Variants in ADCY1 observed in about 807,000 individuals in gnomAD.
ADCY1 encodes adenylate cyclase 1.
Under a neutral mutation model 105.4 loss-of-function variants are expected in ADCY1, and 28 were observed. That is an observed-to-expected ratio of 0.27 (90% CI 0.20 to 0.36). The LOEUF (loss-of-function observed/expected upper bound fraction) is 0.36, where lower values mean the gene tolerates loss of function less well. ADCY1 is among the 10% of genes least tolerant of loss of function. The pLI, the probability that ADCY1 is intolerant of heterozygous loss-of-function variation, is 1.00. For missense variants in ADCY1, 977 were observed against 1,434.2 expected, an observed-to-expected ratio of 0.68 and a Z score of 5.15; for synonymous variants, 655 against 623.8, an observed-to-expected ratio of 1.05 and a Z score of -0.75.
intron 8 of ADCY1, among the ~76,000 whole-genome samples, chr7:45,675,302 T>C (rs2471259): frequency 0.97 from 146,963 of 152,240 alleles, 71,134 homozygotes; most frequent in East Asian, 1. Context: ...CTTTACCTCT[T>C]TTTCAGTCCC....
At chr7:45,662,324 A>G (rs1426734251) in intron 8 of ADCY1, 110 bp downstream of exon 8, 1 of 1,206,808 alleles carries the variant, frequency 8.3e-7, no homozygotes, top group Non-Finnish European at 1.1e-6. Flanking sequence ...TTCCCTGTTC[A>G]CATGTGGATA....
At chr7:45,678,549 A>G (rs1383128529) in intron 10 of ADCY1, among the ~76,000 whole-genome samples, 2 of 152,050 alleles carry the variant, frequency 1.3e-5, no homozygotes, top group Non-Finnish European at 2.9e-5. Context: ...ATATATTTTC[A>G]TGCTTTTTCA....
chr7:45,614,963 C>G (rs1793698414), intron 3 of ADCY1, among the ~76,000 whole-genome samples: 1 of 152,134 alleles, frequency 6.6e-6, no homozygotes, highest in African/African-American at 2.4e-5. Context: ...TGATAACAGA[C>G]AGAGCATCCA....
At chr7:45,604,372 G>T (rs1012265518) in intron 2 of ADCY1, among the ~76,000 whole-genome samples, 3 of 152,020 alleles carry the variant, frequency 2.0e-5, no homozygotes, top group Admixed American at 6.5e-5. Context: ...GGTTTAATTC[G>T]CCAGTTTTTC....
chr7:45,619,843 G>T (rs1425730217), intron 3 of ADCY1, among the ~76,000 whole-genome samples: 1 of 152,154 alleles, frequency 6.6e-6, no homozygotes, highest in Non-Finnish European at 1.5e-5. Flanking sequence ...ATACTGTATT[G>T]TATGTTTGAA....
In ADCY1 at chr7:45,708,362, A is replaced by G; in HGVS notation, c.2830A>G (p.Ile944Val). 1 of 1,614,048 alleles carries G rather than the reference A, an allele frequency of 6.2e-7. No individual in the cohort carries two copies. Among genetic ancestry groups the G allele is most frequent in the Non-Finnish European group, 8.5e-7 (1 of 1,179,906 alleles). Residue 944 changes from isoleucine (I) to valine (V), a missense_variant, in exon 18 of 20, where the codon ATC (isoleucine) becomes GTC (valine). Coordinates refer to ENST00000297323, the MANE Select transcript of ADCY1 (RefSeq NM_021116.4). The surrounding 1 kb of genome is among the most constrained non-coding windows in gnomAD (Gnocchi z 4.7). ...PTSGTKAKKS[I>V]SSHLSTLADF... ...TGTTTACACCTAGGCTAAGAAGTCCATCTCCTCCCACCTGAGCACGCTGGC... is the reference window on the plus strand; with the variant it reads ...TGTTTACACCTAGGCTAAGAAGTCCGTCTCCTCCCACCTGAGCACGCTGGC...
At chr7:45,685,854 A>T in intron 12 of ADCY1, 108 bp from the exon 13 acceptor site, 1 of 1,403,578 alleles carries the variant, frequency 7.1e-7, no homozygotes. Flanking sequence ...GGGGTGGGTC[A>T]GAGCAAAACC....
rs1262413620 is a variant in ADCY1, at chr7:45,715,031, G to A, written c.*1036G>A. 6.6e-6 allele frequency: 1 copy of A among 152,258 alleles called. No individual in the cohort carries two copies. The allele number at this position is 152,258 out of a possible 1,614,324, so 9.4% of individuals were successfully genotyped here. A position where few individuals can be genotyped will look rare whatever the true frequency, so the allele number is the denominator to read the frequency against. Reference sequence around the variant, plus strand: ...ACCAACCCTCCAGGACGAAGTTTCAGAATTGGCTGATGGTCGTGAGTGCAG... The same window carrying A: ...ACCAACCCTCCAGGACGAAGTTTCAAAATTGGCTGATGGTCGTGAGTGCAG... On this transcript the variant is annotated 3_prime_UTR_variant, in exon 20 of 20. Transcript: ENST00000297323.
chr7:45,710,960 C>T lies in ADCY1; in HGVS notation c.3057+308C>T, dbSNP rs1300790526. On this transcript the variant is annotated intron_variant, in intron 19 of 19. Coordinates refer to ENST00000297323, the MANE Select transcript of ADCY1 (RefSeq NM_021116.4). The surrounding 1 kb of genome is among the most constrained non-coding windows in gnomAD (Gnocchi z 4.7). ...TGGCTCTCATTCACTCTGCACATCC[C>T]AGGACTCCGGACTCCACCAGCTGCC... Among the ~76,000 whole-genome samples, 1 of 152,132 alleles carries T rather than the reference C, an allele frequency of 6.6e-6. No homozygotes were observed. Among genetic ancestry groups the T allele is most frequent in the African/African-American group, 2.4e-5 (1 of 41,412 alleles).
At chr7:45,608,094 G>A (rs1225455421) in intron 2 of ADCY1, among the ~76,000 whole-genome samples, 3 of 152,038 alleles carry the variant, frequency 2.0e-5, no homozygotes, top group African/African-American at 4.8e-5. Flanking sequence ...TTTTCTCCAC[G>A]GCCTCACCAG....
chr7:45,646,245 G>A (rs1794660928), intron 4 of ADCY1, among the ~76,000 whole-genome samples: 1 of 152,112 alleles, frequency 6.6e-6, no homozygotes, highest in South Asian at 2.1e-4. Context: ...AAGGCTGTCC[G>A]GTCGCATCCC....
At chr7:45,663,810 C>T (rs1391561767) in intron 8 of ADCY1, among the ~76,000 whole-genome samples, 1 of 150,088 alleles carries the variant, frequency 6.7e-6, no homozygotes, top group East Asian at 1.9e-4. Flanking sequence ...CAGAGTGAGA[C>T]GGTGTCTCAA....
chr7:45,660,276 G>A, intron 7 of ADCY1, 93 bp downstream of exon 7: 8 of 1,518,848 alleles, frequency 5.3e-6, no homozygotes, highest in Non-Finnish European at 7.2e-6. Flanking sequence ...TCCTCTCCAA[G>A]CACTGCTTCT....
rs1785478731 is a variant in ADCY1, at chr7:45,721,792, T to G, written c.*7797T>G. 2.5e-6 allele frequency: 1 copy of G among 398,552 alleles called. No individual in the cohort carries two copies. The allele number at this position is 398,552 out of a possible 1,614,324, so 24.7% of individuals were successfully genotyped here. On this transcript the variant is annotated 3_prime_UTR_variant, in exon 20 of 20. Transcript: ENST00000297323. The stretch of plus-strand genomic sequence containing the variant: ...GACAACCACCAGAGCACATGTGCTC[T>G]GACCCTCTCCTGGGCATTGGTTCCT...
Position 45,648,774 on chromosome 7 carries a change from A to C in ADCY1, c.1125A>C (p.Gly375=). 6.2e-7 allele frequency: 1 copy of C among 1,613,866 alleles called. No homozygotes were observed. The highest frequency in any genetic ancestry group is 8.5e-7 in the Non-Finnish European group (1 of 1,179,924). Residue 375 remains glycine, a synonymous_variant, in exon 5 of 20, where the codon GGA becomes GGC. Coordinates refer to ENST00000297323, the MANE Select transcript of ADCY1 (RefSeq NM_021116.4). ...ATGCCCACTGCTGTGTGGAGATGGG[A>C]CTCGACATGATTGATACCATCACGT... ...TDHAHCCVEM[G]LDMIDTITSV...
chr7:45,672,489 T>G, intron 8 of ADCY1, among the ~76,000 whole-genome samples: 1 of 152,152 alleles, frequency 6.6e-6, no homozygotes, highest in East Asian at 1.9e-4. Context: ...ATTCCTTACA[T>G]CAGCATTGTG....
intron 5 of ADCY1, among the ~76,000 whole-genome samples, chr7:45,656,175 C>T (rs977879987): frequency 1.4e-4 from 21 of 151,620 alleles, no homozygotes; most frequent in South Asian, 4.2e-4. Context: ...TGGTGGTGGG[C>T]GCCTGTAGTC....
intron 14 of ADCY1, among the ~76,000 whole-genome samples, chr7:45,691,797 A>G (rs1305491657): frequency 6.6e-6 from 1 of 152,246 alleles, no homozygotes; most frequent in Non-Finnish European, 1.5e-5. Context: ...AGATGTGGTC[A>G]TGGCATAGAC....
At chr7:45,592,656 C>G (rs541363929) in intron 1 of ADCY1, 103 bp from the exon 2 acceptor site, 92 of 1,517,116 alleles carry the variant, frequency 6.1e-5, no homozygotes, top group Non-Finnish European at 8.0e-5. Flanking sequence ...GCCCGGGCGG[C>G]GTGGCTTTTG....
Sources: gnomAD v4.1 joint callset for allele counts (sites outside exome capture counted in the v4.1 genomes callset) on GRCh38, gnomAD v4.1.1 for gene constraint, Gnocchi (gnomAD v3.1) non-coding constraint, MANE v1.5 for transcripts, NCBI Gene and HGNC (gene_info 2026-07-23, HGNC 2026-07-21) for gene names.